DIP2C: variants seen among roughly 807,000 people sequenced by gnomAD.
The protein encoded by DIP2C is disco-interacting protein 2 homolog C.
In DIP2C, 33 loss-of-function variants were observed where a neutral mutation model predicts 192.4. That is an observed-to-expected ratio of 0.17 (90% CI 0.13 to 0.23). DIP2C has a LOEUF of 0.23. DIP2C is among the 10% of genes least tolerant of loss of function. The probability of loss-of-function intolerance (pLI) is 1.00; values close to 1 mark genes in which losing one functional copy is unlikely to be tolerated. For missense variants in DIP2C, 1,537 were observed against 2,110.1 expected (o/e 0.73, Z 5.32); for synonymous variants, 979 against 864.1 (o/e 1.13, Z -2.33).
chr10:484,065 T>A (rs1328872169), intron 2 of DIP2C, among the ~76,000 whole-genome samples: 1 of 152,192 alleles, frequency 6.6e-6, no homozygotes, highest in Non-Finnish European at 1.5e-5. Context: ...TTCCTCAGCC[T>A]CCCCAAGTGC....
intron 17 of DIP2C, among the ~76,000 whole-genome samples, chr10:373,237 C>T (rs1961202257): frequency 6.6e-6 from 1 of 152,182 alleles, no homozygotes; most frequent in African/African-American, 2.4e-5. Context: ...TAGAAGCAAA[C>T]AGCACAACCA....
chr10:349,083 C>T (rs956410652), intron 25 of DIP2C, among the ~76,000 whole-genome samples: 2 of 152,202 alleles, frequency 1.3e-5, no homozygotes, highest in Non-Finnish European at 2.9e-5. Context: ...TCTAATAACA[C>T]AAATTTGGAT....
chr10:618,237 TAATATA>T (rs1452903313), intron 1 of DIP2C, among the ~76,000 whole-genome samples: 8 of 152,248 alleles, frequency 5.3e-5, no homozygotes, highest in African/African-American at 1.9e-4. Context: ...AATGGTTCAT[TAATATA>T]AATTACAAGA....
intron 1 of DIP2C, among the ~76,000 whole-genome samples, chr10:567,302 C>CT (rs1162574086): frequency 6.6e-6 from 1 of 152,200 alleles, no homozygotes; most frequent in Admixed American, 6.5e-5. Flanking sequence ...AATTCTCCTG[C>CT]TTCAGCCTCC....
At chr10:394,979 G>A (rs1036093763) in intron 10 of DIP2C, among the ~76,000 whole-genome samples, 1 of 151,890 alleles carries the variant, frequency 6.6e-6, no homozygotes, top group Non-Finnish European at 1.5e-5. Flanking sequence ...GAAGCCTGCC[G>A]TATGCTGAAC....
chr10:337,147 T>TGTGTGG (rs1564574980), intron 29 of DIP2C, among the ~76,000 whole-genome samples: 1 of 111,720 alleles, frequency 9.0e-6, no homozygotes, highest in Admixed American at 9.2e-5. Flanking sequence ...TGTGTGTGTG[T>TGTGTGG]TGTGGAGGCC....
At chr10:406,490 T>C (rs1964815879) in intron 9 of DIP2C, among the ~76,000 whole-genome samples, 1 of 152,216 alleles carries the variant, frequency 6.6e-6, no homozygotes, top group African/African-American at 2.4e-5. Flanking sequence ...GTGAAAATGA[T>C]AACTGAGGAA....
intron 1 of DIP2C, among the ~76,000 whole-genome samples, chr10:550,240 C>A (rs906109202): frequency 3.3e-5 from 5 of 152,114 alleles, no homozygotes; most frequent in African/African-American, 9.7e-5. Context: ...GAACTCCTGA[C>A]CTCACGTGAT....
At position 363,165 on chromosome 10, in the gene DIP2C, G is replaced by A; in HGVS notation, c.2592+32C>T. On this transcript the variant is annotated intron_variant, in intron 21 of 36. Coordinates refer to ENST00000280886, the MANE Select transcript of DIP2C (RefSeq NM_014974.3). The surrounding 1 kb of genome is among the most constrained non-coding windows in gnomAD (Gnocchi z 5.4). ...GTAAGGAGGCCAGAAACAAGACACAGGGGACCAGTGCCCAGGGCGAGGGAG... is the reference window on the plus strand; with the variant it reads ...GTAAGGAGGCCAGAAACAAGACACAAGGGACCAGTGCCCAGGGCGAGGGAG... 1.9e-6 allele frequency: 3 copies of A among 1,588,716 alleles called. No homozygotes were observed. Among genetic ancestry groups the A allele is most frequent in the Non-Finnish European group, 2.6e-6 (3 of 1,159,480 alleles).
chr10:372,005 G>A (rs1041851767), intron 17 of DIP2C, among the ~76,000 whole-genome samples: 6 of 151,792 alleles, frequency 4.0e-5, no homozygotes, highest in South Asian at 2.1e-4. Flanking sequence ...GCAAGGGCCG[G>A]AAGGGAAAAA....
intron 32 of DIP2C, among the ~76,000 whole-genome samples, chr10:296,366 A>G (rs960147607): frequency 1.3e-5 from 2 of 152,086 alleles, no homozygotes; most frequent in East Asian, 1.9e-4. Context: ...TAGAATGGCA[A>G]TCATTAAAAA....
rs951325700 is a variant in DIP2C at position 334,184 on chromosome 10, G to A, written c.3585-4583C>T. 4.0e-5 allele frequency among the ~76,000 whole-genome samples: 6 copies of A among 151,896 alleles called. No individual in the cohort carries two copies. The East Asian group carries it at 1.2e-3, about 29-fold the overall frequency. On this transcript the variant is annotated intron_variant, in intron 29 of 36. Transcript: ENST00000280886. The stretch of plus-strand genomic sequence containing the variant: ...TAGCCAGGTGTGGTGGTGCATGCCT[G>A]TACTTCCAGCTACTTGGGAGGCTGA...
intron 4 of DIP2C, among the ~76,000 whole-genome samples, chr10:428,458 TA>T (rs1450086532): frequency 6.6e-6 from 1 of 152,182 alleles, no homozygotes; most frequent in African/African-American, 2.4e-5. Flanking sequence ...TTTAGTACTT[TA>T]AAAAATGTCT....
At chr10:663,274 T>C (rs1450266042) in intron 1 of DIP2C, 2 of 219,480 alleles carry the variant, frequency 9.1e-6, no homozygotes, top group Non-Finnish European at 8.9e-6. Context: ...TCAGCTGAAA[T>C]AGGATTGGGA....
At position 476,213 on chromosome 10, in the gene DIP2C, A is replaced by G. The variant is rs561891024; in HGVS notation, c.158-3664T>C. On this transcript the variant is annotated intron_variant, in intron 2 of 36. Coordinates refer to ENST00000280886, the MANE Select transcript of DIP2C (RefSeq NM_014974.3). ...ACAAAGAGCAAGGTCTCTTGAGGCA[A>G]GAAAACGGCCGAGATGGAGATGAGG... Among the ~76,000 whole-genome samples, 3 of 152,268 alleles carry G rather than the reference A, an allele frequency of 2.0e-5. 1 individual carries two copies. In the South Asian group the frequency reaches 6.2e-4, roughly 32 times the overall value.
chr10:620,321 A>T (rs1361549747), intron 1 of DIP2C, among the ~76,000 whole-genome samples: 1 of 152,172 alleles, frequency 6.6e-6, no homozygotes, highest in Non-Finnish European at 1.5e-5. Context: ...GCGCCTTATC[A>T]TTAAACGTTT....
chr10:377,052 T>C (rs976118519), intron 17 of DIP2C, among the ~76,000 whole-genome samples: 1 of 152,090 alleles, frequency 6.6e-6, no homozygotes, highest in Non-Finnish European at 1.5e-5. Flanking sequence ...GAGCAATGCA[T>C]GCCCACTAAA....
chr10:676,773 T>C (rs964175363), intron 1 of DIP2C, among the ~76,000 whole-genome samples: 17 of 152,174 alleles, frequency 1.1e-4, no homozygotes, highest in African/African-American at 3.9e-4. Flanking sequence ...TAGTGGATTC[T>C]AGAGACAGGA....
At chr10:280,244 T>C (rs1954744406) in intron 36 of DIP2C, among the ~76,000 whole-genome samples, 1 of 152,160 alleles carries the variant, frequency 6.6e-6, no homozygotes, top group South Asian at 2.1e-4. Context: ...TACCAGCCTT[T>C]ATTGCATCTC....
Sources: allele counts gnomAD v4.1 joint callset (sites outside exome capture counted in the v4.1 genomes callset), GRCh38; gene constraint gnomAD v4.1.1; non-coding constraint Gnocchi (gnomAD v3.1); transcripts MANE v1.5; gene names NCBI Gene and HGNC (gene_info 2026-07-23, HGNC 2026-07-21).